LHFPL6: variants seen among roughly 807,000 people sequenced by gnomAD.
LHFPL6 encodes the protein LHFPL tetraspan subfamily member 6 protein.
Under a neutral mutation model 20.6 loss-of-function variants are expected in LHFPL6, and 9 were observed. That is an observed-to-expected ratio of 0.44 (90% CI 0.26 to 0.76). The LOEUF (loss-of-function observed/expected upper bound fraction) is 0.76. Ranked by LOEUF, LHFPL6 falls within the 30% of genes least tolerant of loss-of-function variation. The pLI is 0.20. For missense variants in LHFPL6, 218 were observed against 253.5 expected (o/e 0.86, Z 0.95); for synonymous variants, 105 against 98.7 (o/e 1.06, Z -0.38).
intron 2 of LHFPL6, among the ~76,000 whole-genome samples, chr13:39,553,160 A>G (rs1871191754): frequency 1.3e-5 from 2 of 152,250 alleles, no homozygotes; most frequent in African/African-American, 4.8e-5. Flanking sequence ...CATTCATTTT[A>G]GTCTTCATGG....
intron 2 of LHFPL6, among the ~76,000 whole-genome samples, chr13:39,544,869 A>G (rs1291098097): frequency 6.6e-6 from 1 of 152,076 alleles, no homozygotes; most frequent in Non-Finnish European, 1.5e-5. Context: ...AAGGTTATTT[A>G]ATAAATAACA....
intron 2 of LHFPL6, among the ~76,000 whole-genome samples, chr13:39,462,966 A>C (rs12584721): frequency 0.16 from 23,870 of 152,076 alleles, 3,494 homozygotes; most frequent in East Asian, 0.51. Context: ...CAGTTCTCCA[A>C]AAAGGGTGCC....
chr13:39,347,046 C>T (rs147737370), intron 3 of LHFPL6, among the ~76,000 whole-genome samples: 6,353 of 138,664 alleles, frequency 0.046, 252 homozygotes, highest in South Asian at 0.16. Context: ...CACCACTGCA[C>T]TCCAGCCTGG....
intron 2 of LHFPL6, among the ~76,000 whole-genome samples, chr13:39,468,209 T>A (rs1416646669): frequency 6.6e-6 from 1 of 152,242 alleles, no homozygotes; most frequent in African/African-American, 2.4e-5. Context: ...TGTGCAAGCC[T>A]ATGTATTTGA....
chr13:39,416,241 A>C (rs1593304582), intron 2 of LHFPL6, among the ~76,000 whole-genome samples: 1 of 152,244 alleles, frequency 6.6e-6, no homozygotes, highest in Admixed American at 6.5e-5. Flanking sequence ...TAGAATATAA[A>C]CCCAAGGAGG....
chr13:39,398,835 C>G (rs1434773144), intron 2 of LHFPL6, among the ~76,000 whole-genome samples: 60 of 152,188 alleles, frequency 3.9e-4, no homozygotes, highest in Non-Finnish European at 5.9e-5. Flanking sequence ...TGCAAAGGAT[C>G]TACGTTGTGC....
intron 2 of LHFPL6, among the ~76,000 whole-genome samples, chr13:39,549,210 G>T (rs1249284464): frequency 6.6e-6 from 1 of 152,112 alleles, no homozygotes; most frequent in Non-Finnish European, 1.5e-5. Flanking sequence ...ATGTTCAACT[G>T]ATTTTCAACG....
At chr13:39,465,429 A>C (rs1872780316) in intron 2 of LHFPL6, among the ~76,000 whole-genome samples, 1 of 152,144 alleles carries the variant, frequency 6.6e-6, no homozygotes, top group Non-Finnish European at 1.5e-5. Flanking sequence ...CCCCTAATTT[A>C]GGAACTACTT....
At chr13:39,480,473 G>C (rs892727140) in intron 2 of LHFPL6, among the ~76,000 whole-genome samples, 1 of 152,160 alleles carries the variant, frequency 6.6e-6, no homozygotes, top group Non-Finnish European at 1.5e-5. Flanking sequence ...TTCTGATATT[G>C]TAAGAAGGAG....
At chr13:39,526,708 C>T (rs924603590) in intron 2 of LHFPL6, among the ~76,000 whole-genome samples, 12 of 152,292 alleles carry the variant, frequency 7.9e-5, no homozygotes, top group East Asian at 1.9e-4. Context: ...TTCATCCTGC[C>T]GCAGCTCACT....
intron 3 of LHFPL6, among the ~76,000 whole-genome samples, chr13:39,374,339 TG>T (rs1566096682): frequency 6.6e-6 from 1 of 152,078 alleles, no homozygotes; most frequent in Non-Finnish European, 1.5e-5. Context: ...TAAGTACTCA[TG>T]GACATATATG....
intron 3 of LHFPL6, among the ~76,000 whole-genome samples, chr13:39,376,060 A>G (rs1870287574): frequency 6.6e-6 from 1 of 152,216 alleles, no homozygotes; most frequent in Non-Finnish European, 1.5e-5. Context: ...TGACATTCAA[A>G]GTTTTATTCC....
intron 2 of LHFPL6, among the ~76,000 whole-genome samples, chr13:39,436,718 G>A (rs759844372): frequency 1.3e-5 from 2 of 152,180 alleles, no homozygotes; most frequent in African/African-American, 4.8e-5. Flanking sequence ...GCAATGTTAT[G>A]GTTTGTGTGG....
chr13:39,591,716 C>T (rs1872596517), intron 2 of LHFPL6, among the ~76,000 whole-genome samples: 1 of 152,138 alleles, frequency 6.6e-6, no homozygotes, highest in Non-Finnish European at 1.5e-5. Context: ...CAGACCTTCC[C>T]AGCAGTCTCT....
At chr13:39,482,593 A>G (rs1868564208) in intron 2 of LHFPL6, among the ~76,000 whole-genome samples, 1 of 152,212 alleles carries the variant, frequency 6.6e-6, no homozygotes, top group Non-Finnish European at 1.5e-5. Context: ...GAAATAATCA[A>G]TCGTGTCAAA....
chr13:39,572,300 G>C (rs1447016313), intron 2 of LHFPL6, among the ~76,000 whole-genome samples: 3 of 150,968 alleles, frequency 2.0e-5, no homozygotes, highest in Admixed American at 6.6e-5. Flanking sequence ...GTGTGTGTGT[G>C]TGTGTGTGTG....
intron 2 of LHFPL6, among the ~76,000 whole-genome samples, chr13:39,468,068 G>T (rs1872848388): frequency 1.3e-5 from 2 of 151,992 alleles, no homozygotes; most frequent in Non-Finnish European, 2.9e-5. Flanking sequence ...GTTCCTCTTG[G>T]TTCCACATTT....
chr13:39,391,926 T>C (rs1421739885), intron 2 of LHFPL6, among the ~76,000 whole-genome samples: 1 of 152,224 alleles, frequency 6.6e-6, no homozygotes, highest in Non-Finnish European at 1.5e-5. Flanking sequence ...ATGGAAGCAA[T>C]TTCTTTCAAG....
chr13:39,464,418 A>G (rs1327460455), intron 2 of LHFPL6, among the ~76,000 whole-genome samples: 1 of 152,228 alleles, frequency 6.6e-6, no homozygotes, highest in East Asian at 1.9e-4. Flanking sequence ...AGGAAATCAA[A>G]TGAAACTGAA....
Sources: gnomAD v4.1 joint callset for allele counts (sites outside exome capture counted in the v4.1 genomes callset) on GRCh38, gnomAD v4.1.1 for gene constraint, MANE v1.5 for transcripts, NCBI Gene and HGNC (gene_info 2026-07-23, HGNC 2026-07-21) for gene names.